The following CHRD variants were observed in gnomAD, a reference collection of about 807,000 sequenced individuals.
The protein encoded by CHRD is chordin.
A neutral mutation model predicts 113.7 loss-of-function variants in CHRD; 69 were observed. That is an observed-to-expected ratio of 0.61 (90% CI 0.50 to 0.74). The LOEUF (loss-of-function observed/expected upper bound fraction) is 0.74. CHRD is among the 30% of genes least tolerant of loss of function. The pLI is 0.00. For synonymous variants in CHRD, 561 were observed against 540.8 expected (o/e 1.04, Z -0.52); for missense variants, 1,194 against 1,295.8 (o/e 0.92, Z 1.21).
At chr3:184,386,341 T>TG (rs1355956772) in intron 15 of CHRD, 151 bp from the exon 16 acceptor site, 58 of 1,283,632 alleles carry the variant, frequency 4.5e-5, no homozygotes, top group Non-Finnish European at 2.1e-6. Context: ...ACCCTATCCC[T>TG]GGCAGCTGAG....
chr3:184,382,253 C>T (rs543225814), intron 6 of CHRD, 136 bp from the exon 7 acceptor site: 2 of 1,393,830 alleles, frequency 1.4e-6, no homozygotes, highest in Non-Finnish European at 2.0e-6. Context: ...CTGGCTCCAG[C>T]GTTCTTTCTT....
In CHRD at chr3:184,387,158, G is replaced by T. The variant is rs956499761; in HGVS notation, c.2347+51G>T. 1.3e-6 allele frequency: 2 copies of T among 1,551,500 alleles called. No individual in the cohort carries two copies. Among genetic ancestry groups the T allele is most frequent in the South Asian group, 2.2e-5 (2 of 89,712 alleles). On this transcript the variant is annotated intron_variant, in intron 18 of 22. Transcript: ENST00000204604. The surrounding 1 kb of genome is among the most constrained non-coding windows in gnomAD (Gnocchi z 6.1). ...TGGGAGGCCCCAGAGGAGCCATTAG[G>T]TTGAACCAGGAGGGGGACAAGAAGG... is the stretch of plus-strand genomic sequence containing the variant.
rs769063445 is a variant in CHRD at position 184,384,515 on chromosome 3, G to T, written c.1441-22G>T. On this transcript the variant is annotated intron_variant, in intron 12 of 22. Coordinates refer to ENST00000204604, the Ensembl canonical transcript of CHRD. This position sits in a 1 kb window ranked among gnomAD's most constrained non-coding sequence, Gnocchi z 4.4. ...TTGGACTCGTGTGAGAGCTGAGAAG[G>T]CCTATCCTCCCCTGCCCCCAGGCCG... is the stretch of plus-strand genomic sequence containing the variant. 6.7e-7 allele frequency: 1 copy of T among 1,485,060 alleles called. No individual in the cohort carries two copies. The highest frequency in any genetic ancestry group is 8.9e-7 in the Non-Finnish European group (1 of 1,118,602). The allele number at this position is 1,485,060 out of a possible 1,614,324, so 92.0% of individuals were successfully genotyped here. A position where few individuals can be genotyped will look rare whatever the true frequency, so the allele number is the denominator to read the frequency against.
Position 184,388,180 on chromosome 3 carries a change from A to T in CHRD, c.2554+147A>T, listed in dbSNP as rs1004406826. On this transcript the variant is annotated intron_variant, in intron 20 of 22. Coordinates refer to ENST00000204604, the Ensembl canonical transcript of CHRD. The surrounding 1 kb of genome is among the most constrained non-coding windows in gnomAD (Gnocchi z 6.1). The stretch of plus-strand genomic sequence containing the variant: ...GGAGCCAGGACTCTAAATGCAGTGG[A>T]AAGAATGTGATATACTAGTGGGGTA... 18 of 713,454 alleles carry T rather than the reference A, an allele frequency of 2.5e-5. No homozygotes were observed. The Admixed American group carries it at 2.7e-4, about 11-fold the overall frequency. 44.2% of individuals were successfully genotyped at this position (713,454 alleles called of 1,614,324 possible).
exon 23 of CHRD, chr3:184,389,495 T>G: frequency 2.2e-6 from 3 of 1,384,074 alleles, no homozygotes; most frequent in Non-Finnish European, 3.0e-6. Context: ...GAGGACCTTC[T>G]TGCATTCTCC....
chr3:184,385,166 C>A (rs1328896066), exon 14 of CHRD: 1 of 1,614,014 alleles, frequency 6.2e-7, no homozygotes, highest in Non-Finnish European at 8.5e-7. Flanking sequence ...AAGGCACTGT[C>A]ACTGCCCACC....
rs1715315580 is a variant in CHRD at position 184,381,174 on chromosome 3, G to C, written c.253-61G>C. 6.3e-7 allele frequency: 1 copy of C among 1,598,110 alleles called. No homozygotes were observed. Among genetic ancestry groups the C allele is most frequent in the African/African-American group, 1.3e-5 (1 of 74,678 alleles). ...TGACTCTGCGGGACATCCTTGCCTGGGGGGGTCTCATCAGTTGGCATCTTG... is the reference window on the plus strand; with the variant it reads ...TGACTCTGCGGGACATCCTTGCCTGCGGGGGTCTCATCAGTTGGCATCTTG... On this transcript the variant is annotated intron_variant, in intron 2 of 22. Transcript: ENST00000204604. This position sits in a 1 kb window ranked among gnomAD's most constrained non-coding sequence, Gnocchi z 4.7.
chr3:184,386,778 A>C (rs760424036), intron 16 of CHRD, 23 bp downstream of exon 16: 13 of 1,613,504 alleles, frequency 8.1e-6, no homozygotes, highest in Middle Eastern at 1.7e-4. Flanking sequence ...GGAAGGGCAC[A>C]CTGGGTCCTG....
chr3:184,384,885 C>A lies in CHRD; in HGVS notation c.1598-133C>A. The stretch of plus-strand genomic sequence containing the variant: ...AGGTTCAAGGGTCTAAAACTTGCTG[C>A]TCTCCAGGCCCTGGACCTATGGACA... On this transcript the variant is annotated intron_variant, in intron 13 of 22. Coordinates refer to ENST00000204604, the Ensembl canonical transcript of CHRD. The surrounding 1 kb of genome is among the most constrained non-coding windows in gnomAD (Gnocchi z 4.4). 1 of 1,205,680 alleles carries A rather than the reference C, an allele frequency of 8.3e-7. No homozygotes were observed. Among genetic ancestry groups the A allele is most frequent in the Non-Finnish European group, 1.2e-6 (1 of 854,068 alleles). The allele number at this position is 1,205,680 out of a possible 1,614,324, so 74.7% of individuals were successfully genotyped here.
chr3:184,382,846 G>T lies in CHRD; in HGVS notation c.983-10G>T, dbSNP rs768710787. On this transcript the variant is annotated splice_polypyrimidine_tract_variant and intron_variant, in intron 8 of 22. Transcript: ENST00000204604. ...CTGTCTCAGAAAGGCCCACATGTGC[G>T]GCCTTGCAGGACTAACCCAGGTTCC... 6.2e-7 allele frequency: 1 copy of T among 1,612,546 alleles called. No homozygotes were observed. The highest frequency in any genetic ancestry group is 2.2e-5 in the East Asian group (1 of 44,836).
exon 14 of CHRD, chr3:184,385,186 C>T: frequency 1.2e-6 from 2 of 1,614,106 alleles, no homozygotes; most frequent in Non-Finnish European, 1.7e-6. Context: ...CTCCTTGGGC[C>T]TCCTGGAACG....
Position 184,386,840 on chromosome 3 carries a change from T to C in CHRD, c.2197-5T>C, listed in dbSNP as rs1716391584. 2 of 1,614,022 alleles carry C rather than the reference T, an allele frequency of 1.2e-6. No individual in the cohort carries two copies. Among genetic ancestry groups the C allele is most frequent in the Non-Finnish European group, 8.5e-7 (1 of 1,180,032 alleles). ...TCCCGTCAATGCCTCTGCTCCTCTC[T>C]GCAGAGACGAACGGTGATCTGTGAC... On this transcript the variant is annotated splice_region_variant and splice_polypyrimidine_tract_variant and intron_variant, in intron 16 of 22. Transcript: ENST00000204604.
In CHRD at chr3:184,381,085, T is replaced by C. The variant is rs780096607; in HGVS notation, c.253-150T>C. ...TATCCCCATTTTCCAGACAGGGACC[T>C]TGAGGCCCAGAGAGATGAAGTAGCT... On this transcript the variant is annotated intron_variant, in intron 2 of 22. Transcript: ENST00000204604. The surrounding 1 kb of genome is among the most constrained non-coding windows in gnomAD (Gnocchi z 4.7). 7 of 912,998 alleles carry C rather than the reference T, an allele frequency of 7.7e-6. No homozygotes were observed. The highest frequency in any genetic ancestry group is 1.1e-5 in the Non-Finnish European group (6 of 560,322). The allele number at this position is 912,998 out of a possible 1,614,324, so 56.6% of individuals were successfully genotyped here.
chr3:184,381,160 G>T lies in CHRD; in HGVS notation c.253-75G>T, dbSNP rs1715310203. 1.3e-6 allele frequency: 2 copies of T among 1,558,078 alleles called. No homozygotes were observed. Among genetic ancestry groups the T allele is most frequent in the Non-Finnish European group, 8.8e-7 (1 of 1,133,516 alleles). ...GTGGCAGAGCTGGCTGACTCTGCGG[G>T]ACATCCTTGCCTGGGGGGGTCTCAT... On this transcript the variant is annotated intron_variant, in intron 2 of 22. Transcript: ENST00000204604. The surrounding 1 kb of genome is among the most constrained non-coding windows in gnomAD (Gnocchi z 4.7).
In CHRD at chr3:184,381,617, C is replaced by A; in HGVS notation, c.504C>A (p.Gly168=). 1 of 1,605,906 alleles carries A rather than the reference C, an allele frequency of 6.2e-7. No individual in the cohort carries two copies. The highest frequency in any genetic ancestry group is 8.5e-7 in the Non-Finnish European group (1 of 1,176,018). The change falls in exon 4 of 23, where the codon GGC becomes GGA. Residue 168 remains glycine, a synonymous_variant. Coordinates refer to ENST00000204604, the Ensembl canonical transcript of CHRD. The surrounding 1 kb of genome is among the most constrained non-coding windows in gnomAD (Gnocchi z 4.7). ...CTGAGGAGCGGGCCCGTGGTGACGG[C>A]CACACGGGTAGGGGGCTGGCGAACA... is the stretch of plus-strand genomic sequence containing the variant.
chr3:184,382,093 C>T (rs980911484), intron 6 of CHRD, 73 bp downstream of exon 6: 96 of 1,581,234 alleles, frequency 6.1e-5, no homozygotes, highest in Admixed American at 1.6e-4. Flanking sequence ...CATTGCCTCC[C>T]GTGGTCCTCA....
At position 184,384,709 on chromosome 3, in the gene CHRD, G is replaced by A; in HGVS notation, c.1597+16G>A. 1 of 1,531,770 alleles carries A rather than the reference G, an allele frequency of 6.5e-7. No homozygotes were observed. Among genetic ancestry groups the A allele is most frequent in the Non-Finnish European group, 8.8e-7 (1 of 1,138,532 alleles). 94.9% of individuals were successfully genotyped at this position (1,531,770 alleles called of 1,614,324 possible). On this transcript the variant is annotated intron_variant, in intron 13 of 22. Coordinates refer to ENST00000204604, the Ensembl canonical transcript of CHRD. This position sits in a 1 kb window ranked among gnomAD's most constrained non-coding sequence, Gnocchi z 4.4. ...CGCCATGACAGTGAGTGTCCTTAGGGGTCTGTCTGCCCTTTGGTTTCCTAG... is the reference window on the plus strand; with the variant it reads ...CGCCATGACAGTGAGTGTCCTTAGGAGTCTGTCTGCCCTTTGGTTTCCTAG...
Position 184,381,498 on chromosome 3 carries a change from C to T in CHRD, c.385C>T (p.Arg129Cys). ...TGTTCTTACCCCCCCGCCCGCAGAGCGCAGCAGTTCGGAGCGGCAGCCGAG... is the reference window on the plus strand; with the variant it reads ...TGTTCTTACCCCCCCGCCCGCAGAGTGCAGCAGTTCGGAGCGGCAGCCGAG... Residue 129 changes from arginine (R) to cysteine (C), a missense_variant and splice_region_variant, in exon 4 of 23, where the codon CGC becomes TGC. Transcript: ENST00000204604. The surrounding 1 kb of genome is among the most constrained non-coding windows in gnomAD (Gnocchi z 4.7). 6.3e-7 allele frequency: 1 copy of T among 1,594,262 alleles called. No individual in the cohort carries two copies. The highest frequency in any genetic ancestry group is 8.5e-7 in the Non-Finnish European group (1 of 1,170,900).
At position 184,387,260 on chromosome 3, in the gene CHRD, C is replaced by T; in HGVS notation, c.2348-114C>T. On this transcript the variant is annotated intron_variant, in intron 18 of 22. Transcript: ENST00000204604. This position sits in a 1 kb window ranked among gnomAD's most constrained non-coding sequence, Gnocchi z 6.1. ...ACAGGACTCATTAGTGTTACTGGCCCCCAGGTGGGCCCTTGGCTTAGGCTC... is the reference window on the plus strand; with the variant it reads ...ACAGGACTCATTAGTGTTACTGGCCTCCAGGTGGGCCCTTGGCTTAGGCTC... 1 of 1,340,922 alleles carries T rather than the reference C, an allele frequency of 7.5e-7. No individual in the cohort carries two copies. The allele number at this position is 1,340,922 out of a possible 1,614,324, so 83.1% of individuals were successfully genotyped here.
Sources: gnomAD v4.1 joint callset for allele counts on GRCh38, gnomAD v4.1.1 for gene constraint, Gnocchi (gnomAD v3.1) non-coding constraint, MANE v1.5 for transcripts, NCBI Gene and HGNC (gene_info 2026-07-23, HGNC 2026-07-21) for gene names.